Variants in ARHGAP6 observed in about 807,000 individuals in gnomAD.
ARHGAP6 encodes the protein rho GTPase-activating protein 6.
Under a neutral mutation model 55.7 loss-of-function variants are expected in ARHGAP6, and 16 were observed. The observed-to-expected ratio is 0.29, with a 90% CI of 0.19 to 0.44. The LOEUF (loss-of-function observed/expected upper bound fraction) is 0.44. Ranked by LOEUF, ARHGAP6 falls within the 20% of genes least tolerant of loss-of-function variation. The pLI is 1.00. For synonymous variants in ARHGAP6, 382 were observed against 360.9 expected, an observed-to-expected ratio of 1.06 and a Z score of -0.66; for missense variants, 698 against 808.9, an observed-to-expected ratio of 0.86 and a Z score of 1.66.
chrX:11,649,109 T>C (rs2052559368), intron 1 of ARHGAP6, among the ~76,000 whole-genome samples: 1 of 112,208 alleles, frequency 8.9e-6, no homozygotes, highest in South Asian at 3.7e-4. Context: ...TCCCTTGCCC[T>C]AGAATCTGGG....
intron 2 of ARHGAP6, among the ~76,000 whole-genome samples, chrX:11,201,638 G>A (rs2046622884): frequency 8.9e-6 from 1 of 111,918 alleles, no homozygotes; most frequent in African/African-American, 3.3e-5. Flanking sequence ...CATGGCTGGG[G>A]AGGCCTCAGG....
At chrX:11,582,470 T>C (rs2147120122) in intron 1 of ARHGAP6, among the ~76,000 whole-genome samples, 1 of 112,285 alleles carries the variant, frequency 8.9e-6, no homozygotes, top group East Asian at 2.8e-4. Flanking sequence ...TAAAATATTG[T>C]GAGAAAAACA....
chrX:11,423,253 G>A (rs1682959844), intron 1 of ARHGAP6, among the ~76,000 whole-genome samples: 1 of 112,776 alleles, frequency 8.9e-6, no homozygotes, highest in Admixed American at 9.3e-5. Context: ...CCCAGTTCTG[G>A]GCATCTTCAG....
intron 2 of ARHGAP6, among the ~76,000 whole-genome samples, chrX:11,240,004 A>C (rs1429968468): frequency 8.9e-6 from 1 of 112,105 alleles, no homozygotes; most frequent in Non-Finnish European, 1.9e-5. Flanking sequence ...AGACTGAACC[A>C]GATATTTTAT....
chrX:11,416,072 T>C (rs1308342550), intron 1 of ARHGAP6, among the ~76,000 whole-genome samples: 4 of 111,865 alleles, frequency 3.6e-5, no homozygotes, highest in African/African-American at 1.3e-4. Context: ...TATGTATGCA[T>C]GCTAGGAGTT....
intron 1 of ARHGAP6, among the ~76,000 whole-genome samples, chrX:11,305,372 T>C (rs886441851): frequency 2.7e-5 from 3 of 112,174 alleles, no homozygotes; most frequent in Middle Eastern, 4.7e-3. Context: ...ATCTATAAAA[T>C]AAAAAAAGTA....
intron 1 of ARHGAP6, among the ~76,000 whole-genome samples, chrX:11,362,892 G>C (rs368106533): frequency 5.4e-5 from 6 of 111,080 alleles, no homozygotes; most frequent in African/African-American, 2.0e-4. Flanking sequence ...ATTTGCCTTT[G>C]AATTTTATAT....
intron 8 of ARHGAP6, among the ~76,000 whole-genome samples, chrX:11,175,164 A>G (rs1335387741): frequency 9.0e-6 from 1 of 111,298 alleles, no homozygotes; most frequent in African/African-American, 3.3e-5. Flanking sequence ...AAAAGAATCA[A>G]CCACCTGCCC....
chrX:11,148,210 AGAT>A (rs1411808451), intron 10 of ARHGAP6, among the ~76,000 whole-genome samples: 1 of 112,093 alleles, frequency 8.9e-6, no homozygotes, highest in Non-Finnish European at 1.9e-5. Context: ...AACCCTAAGA[AGAT>A]AGTTTTGAGT....
At chrX:11,143,443 A>C in intron 11 of ARHGAP6, 1 of 475,723 alleles carries the variant, frequency 2.1e-6, no homozygotes. Flanking sequence ...GACTCTGGGA[A>C]GCTCAATCGC....
chrX:11,276,046 C>CT (rs2047759810), intron 1 of ARHGAP6, among the ~76,000 whole-genome samples: 1 of 111,919 alleles, frequency 8.9e-6, no homozygotes, highest in Admixed American at 9.5e-5. Context: ...GAATCTGCTT[C>CT]TTTCAAGGTT....
rs1298814092 is a variant in ARHGAP6 at position 11,139,286 on chromosome X, C to T, written c.2502G>A (p.Thr834=). The change falls in exon 13 of 13, where the codon ACG becomes ACA. Residue 834 remains threonine, a synonymous_variant. Coordinates refer to ENST00000337414, the MANE Select transcript of ARHGAP6 (RefSeq NM_013427.3). The part of the protein sequence containing the change: ...VQVAGKAERP[T]ARSEQYLTLS... ...GGGTCAAGTACTGCTCCGACCTGGC[C>T]GTGGGCCGCTCGGCTTTCCCTGCCA... is the stretch of plus-strand genomic sequence containing the variant. 2.5e-6 allele frequency: 3 copies of T among 1,188,767 alleles called. No homozygotes were observed. In the African/African-American group the frequency reaches 5.3e-5, roughly 21 times the overall value.
intron 2 of ARHGAP6, among the ~76,000 whole-genome samples, chrX:11,235,372 G>C (rs2047185033): frequency 8.9e-6 from 1 of 112,266 alleles, no homozygotes; most frequent in African/African-American, 3.2e-5. Flanking sequence ...GAGCCGGGGG[G>C]CCCTGGGCCA....
intron 1 of ARHGAP6, among the ~76,000 whole-genome samples, chrX:11,639,355 C>T (rs1410486549): frequency 1.8e-5 from 2 of 110,192 alleles, no homozygotes; most frequent in East Asian, 5.7e-4. Flanking sequence ...AATGCTATCC[C>T]TCCCCCAGCC....
At chrX:11,367,615 A>AT (rs1260120746) in intron 1 of ARHGAP6, among the ~76,000 whole-genome samples, 5 of 112,510 alleles carry the variant, frequency 4.4e-5, no homozygotes, top group African/African-American at 1.6e-4. Flanking sequence ...TATAAATAAT[A>AT]TGGTCATTTA....
chrX:11,234,075 A>C (rs2047167492), intron 2 of ARHGAP6, among the ~76,000 whole-genome samples: 1 of 112,732 alleles, frequency 8.9e-6, no homozygotes, highest in Admixed American at 9.4e-5. Flanking sequence ...GGGTGGAAGA[A>C]GGAATTCTCC....
At chrX:11,651,946 G>C (rs893947128) in intron 1 of ARHGAP6, among the ~76,000 whole-genome samples, 4 of 112,304 alleles carry the variant, frequency 3.6e-5, no homozygotes, top group African/African-American at 9.7e-5. Flanking sequence ...CTTTTGAAAA[G>C]TGTCTGTTCA....
intron 4 of ARHGAP6, among the ~76,000 whole-genome samples, chrX:11,187,002 T>C (rs1358818381): frequency 9.0e-6 from 1 of 110,850 alleles, no homozygotes; most frequent in Non-Finnish European, 1.9e-5. Context: ...AAGCCTATTA[T>C]CATTGTGGGC....
At chrX:11,186,845 A>G (rs1449073311) in intron 4 of ARHGAP6, among the ~76,000 whole-genome samples, 1 of 112,157 alleles carries the variant, frequency 8.9e-6, no homozygotes, top group Non-Finnish European at 1.9e-5. Flanking sequence ...TTTTTAAAAT[A>G]GAATGATTCC....
Sources: allele counts gnomAD v4.1 joint callset (sites outside exome capture counted in the v4.1 genomes callset), GRCh38; gene constraint gnomAD v4.1.1; transcripts MANE v1.5; gene names NCBI Gene and HGNC (gene_info 2026-07-23, HGNC 2026-07-21).